Variants in NOTCH3 observed in about 807,000 individuals in gnomAD.
The protein encoded by NOTCH3 is notch receptor 3.
Under a neutral mutation model 213.3 loss-of-function variants are expected in NOTCH3, and 86 were observed. The observed-to-expected ratio is 0.40, with a 90% CI of 0.34 to 0.48. The LOEUF is 0.48. NOTCH3 is among the 20% of genes least tolerant of loss of function. The pLI is 0.57. For missense variants in NOTCH3, 2,783 were observed against 3,272.6 expected, an observed-to-expected ratio of 0.85 and a Z score of 3.65; for synonymous variants, 1,354 against 1,355.9, an observed-to-expected ratio of 1.00 and a Z score of 0.03.
At chr19:15,175,602 C>CAT (rs1485340727) in intron 24 of NOTCH3, among the ~76,000 whole-genome samples, 1 of 139,724 alleles carries the variant, frequency 7.2e-6, no homozygotes, top group Non-Finnish European at 1.5e-5. Flanking sequence ...CACACACACA[C>CAT]ACACACACAC....
chr19:15,186,646 C>A (rs1405425450), intron 12 of NOTCH3, among the ~76,000 whole-genome samples: 1 of 152,174 alleles, frequency 6.6e-6, no homozygotes, highest in East Asian at 1.9e-4. Context: ...CTCAAGTGAT[C>A]CACTTGCCTT....
At position 15,165,341 on chromosome 19, in the gene NOTCH3, TTA is replaced by T. The variant is rs750269054; in HGVS notation, c.5815+25_5815+26del. On this transcript the variant is annotated intron_variant, in intron 31 of 32. Coordinates refer to ENST00000263388, the MANE Select transcript of NOTCH3 (RefSeq NM_000435.3). This position sits in a 1 kb window ranked among gnomAD's most constrained non-coding sequence, Gnocchi z 4.7. Reference sequence around the variant, plus strand: ...AGGGCCCAGGTGACACCAACCCAGCTTAGACTTGATTCCTCTGCCAACCTACC... The same window carrying T: ...AGGGCCCAGGTGACACCAACCCAGCTGACTTGATTCCTCTGCCAACCTACC... 2.5e-6 allele frequency: 4 copies of T among 1,601,470 alleles called. No homozygotes were observed. The highest frequency in any genetic ancestry group is 3.4e-6 in the Non-Finnish European group (4 of 1,179,628).
At chr19:15,186,379 ATGTGTG>A (rs36233245) in intron 12 of NOTCH3, among the ~76,000 whole-genome samples, 3,579 of 138,532 alleles carry the variant, frequency 0.026, 53 homozygotes, top group Non-Finnish European at 0.028. Context: ...TTGTTTTTGT[ATGTGTG>A]TGTGTGTGTG....
chr19:15,184,989 G>C lies in NOTCH3; in HGVS notation c.2327C>G (p.Thr776Ser). The change falls in exon 15 of 33, where the codon ACC becomes AGC. Residue 776 changes from threonine (T) to serine (S), a missense_variant. Transcript: ENST00000263388. The stretch of plus-strand genomic sequence containing the variant: ...GCCCCCATGCTCACAGGGGTTCGGG[G>C]TGCAGGGGGAGAGGAGTTCACACTG... The part of the protein sequence containing the change: ...GRQCELLSPC[T>S]PNPCEHGGRC... 6.5e-7 allele frequency: 1 copy of C among 1,538,086 alleles called. No individual in the cohort carries two copies. The highest frequency in any genetic ancestry group is 8.8e-7 in the Non-Finnish European group (1 of 1,138,200).
intron 12 of NOTCH3, 136 bp downstream of exon 12, chr19:15,186,742 C>T: frequency 1.3e-6 from 1 of 767,412 alleles, no homozygotes; most frequent in Non-Finnish European, 2.3e-6. Context: ...GCCAATGAGA[C>T]AGCACAGACT....
Position 15,161,719 on chromosome 19 carries a change from G to T in NOTCH3, c.5914-5C>A. The T allele has an allele frequency of 6.2e-7, 1 of 1,612,918 alleles. No homozygotes were observed. Among genetic ancestry groups the T allele is most frequent in the African/African-American group, 1.3e-5 (1 of 75,054 alleles). ...CAGGAATAGGGGGGTCTCCTCCTGG[G>T]GGGCCAGAACCCACAGAGGTCAGCG... On this transcript the variant is annotated splice_region_variant and splice_polypyrimidine_tract_variant and intron_variant, in intron 32 of 32. Transcript: ENST00000263388.
At chr19:15,181,429 C>T (rs1410747559) in intron 17 of NOTCH3, 147 bp downstream of exon 17, 2 of 724,982 alleles carry the variant, frequency 2.8e-6, no homozygotes, top group Non-Finnish European at 4.6e-6. Context: ...CCTGCTCCTT[C>T]CCTGGCCCTG....
At chr19:15,170,867 C>T (rs1235611913) in intron 25 of NOTCH3, 42 bp from the exon 26 acceptor site, 2 of 1,603,038 alleles carry the variant, frequency 1.2e-6, no homozygotes, top group Non-Finnish European at 1.7e-6. Flanking sequence ...TCAAAAATTG[C>T]CCGATGCACC....
intron 1 of NOTCH3, 81 bp from the exon 2 acceptor site, chr19:15,197,659 T>A: frequency 8.2e-7 from 1 of 1,225,064 alleles, no homozygotes; most frequent in Non-Finnish European, 1.2e-6. Context: ...CCTCCCTCCC[T>A]CCACCAGGCA....
At position 15,160,624 on chromosome 19, in the gene NOTCH3, C is replaced by A; in HGVS notation, c.*38G>T. 6.7e-7 allele frequency: 1 copy of A among 1,495,636 alleles called. No homozygotes were observed. The highest frequency in any genetic ancestry group is 9.3e-7 in the Non-Finnish European group (1 of 1,072,002). 92.6% of individuals were successfully genotyped at this position (1,495,636 alleles called of 1,614,324 possible). ...GAAAGAAAGGAGGCAGGACGGGGGT[C>A]TCTTTAGGCCCCCAAGATCTAAGAA... On this transcript the variant is annotated 3_prime_UTR_variant, in exon 33 of 33. Transcript: ENST00000263388.
At chr19:15,186,853 CCT>C (rs772725012) in intron 12 of NOTCH3, 23 bp downstream of exon 12, 2 of 1,586,462 alleles carry the variant, frequency 1.3e-6, no homozygotes, top group Non-Finnish European at 1.7e-6. Context: ...CTAAGGACCC[CCT>C]CTCATGGCAG....
At chr19:15,172,809 G>A (rs576773798) in intron 25 of NOTCH3, among the ~76,000 whole-genome samples, 3 of 151,420 alleles carry the variant, frequency 2.0e-5, no homozygotes, top group East Asian at 2.0e-4. Context: ...GGGACTAAAG[G>A]CATACACCAC....
At position 15,181,099 on chromosome 19, in the gene NOTCH3, G is replaced by C. The variant is rs968392255; in HGVS notation, c.2856C>G (p.Pro952=). The C allele has an allele frequency of 4.3e-6, 7 of 1,609,742 alleles. No homozygotes were observed. In the East Asian group the frequency reaches 1.3e-4, roughly 31 times the overall value. Residue 952 remains proline (P), a synonymous_variant, in exon 18 of 33, where the codon CCC becomes CCG. Coordinates refer to ENST00000263388, the MANE Select transcript of NOTCH3 (RefSeq NM_000435.3). ...GVNSFSCLCR[P]GYTGAHCQHE... Reference sequence around the variant, plus strand: ...GTTGGCAGTGGGCTCCTGTGTAGCCGGGACGGCACAGGCAGCTGAACGAGT... The same window carrying C: ...GTTGGCAGTGGGCTCCTGTGTAGCCCGGACGGCACAGGCAGCTGAACGAGT...
rs1431809734 is a variant in NOTCH3 at position 15,178,055 on chromosome 19, G to C, written c.3873C>G (p.Arg1291=). 2.0e-6 allele frequency: 3 copies of C among 1,520,378 alleles called. No individual in the cohort carries two copies. The highest frequency in any genetic ancestry group is 2.8e-5 in the African/African-American group (2 of 71,336). 94.2% of individuals were successfully genotyped at this position (1,520,378 alleles called of 1,614,324 possible). A position where few individuals can be genotyped will look rare whatever the true frequency, so the allele number is the denominator to read the frequency against. The change falls in exon 24 of 33, where the codon CGC becomes CGG. Residue 1291 remains arginine (R), a synonymous_variant. Transcript: ENST00000263388. ...CCGGGCACTGCAGCTCCCGGCAGGA[G>C]CGCGCCACCCGCTCGCAACGCGGAC... ...FWGPRCERVA[R]SCRELQCPVG...
At chr19:15,180,633 G>A (rs2145421240) in intron 19 of NOTCH3, 48 bp downstream of exon 19, 2 of 1,538,418 alleles carry the variant, frequency 1.3e-6, no homozygotes, top group Non-Finnish European at 1.7e-6. Context: ...GTACGTGCAT[G>A]AGCCCCTTCC....
In NOTCH3 at chr19:15,185,991, C is replaced by T. The variant is rs1287447153; in HGVS notation, c.1952-312G>A. ...GCATGATCATAGCTCACCACAGCCTCCACTTCCTGGGCTCAAGCGATTCTC... is the reference window on the plus strand; with the variant it reads ...GCATGATCATAGCTCACCACAGCCTTCACTTCCTGGGCTCAAGCGATTCTC... On this transcript the variant is annotated intron_variant, in intron 12 of 32. Coordinates refer to ENST00000263388, the MANE Select transcript of NOTCH3 (RefSeq NM_000435.3). This position sits in a 1 kb window ranked among gnomAD's most constrained non-coding sequence, Gnocchi z 4.2. Among the ~76,000 whole-genome samples the T allele has an allele frequency of 6.6e-6, 1 of 152,114 alleles. No homozygotes were observed. Among genetic ancestry groups the T allele is most frequent in the Non-Finnish European group, 1.5e-5 (1 of 68,022 alleles).
In NOTCH3 at chr19:15,192,433, C is replaced by G. The variant is rs2145443315; in HGVS notation, c.284G>C (p.Ser95Thr). Residue 95 changes from serine (S) to threonine (T), a missense_variant, in exon 3 of 33, where the codon AGT (serine) becomes ACT (threonine). By Grantham distance (58) the Ser-to-Thr change is moderately conservative. This residue lies in a region of NOTCH3 where 708 missense variants were observed against 906.6 expected (regional missense o/e 0.78). Coordinates refer to ENST00000263388, the MANE Select transcript of NOTCH3 (RefSeq NM_000435.3). ...TCGGGCGGTGCCAGCCACCACTGAA[C>G]TCTGGCAGACACCACGGCCAGCACA... The part of the protein sequence containing the change: ...GPCAGRGVCQ[S>T]SVVAGTARFS... 1 of 1,612,898 alleles carries G rather than the reference C, an allele frequency of 6.2e-7. No homozygotes were observed. Among genetic ancestry groups the G allele is most frequent in the Non-Finnish European group, 8.5e-7 (1 of 1,179,982 alleles).
At position 15,188,992 on chromosome 19, in the gene NOTCH3, C is replaced by T. The variant is rs370186772; in HGVS notation, c.1375G>A (p.Ala459Thr). ...CCAGGCCACGCCCACCACCCACCTG[C>T]CATACAGATACAGGTGAACTGGCCT... is the stretch of plus-strand genomic sequence containing the variant. ...RIGQFTCICM[A>T]GFTGTYCEVD... Residue 459 changes from alanine to threonine, a missense_variant, in exon 8 of 33, where the codon GCA (alanine) becomes ACA (threonine). Coordinates refer to ENST00000263388, the MANE Select transcript of NOTCH3 (RefSeq NM_000435.3). 69 of 1,609,814 alleles carry T rather than the reference C, an allele frequency of 4.3e-5. No homozygotes were observed. Among genetic ancestry groups the T allele is most frequent in the Non-Finnish European group, 5.5e-5 (65 of 1,178,558 alleles).
chr19:15,198,610 G>T (rs1397132940), intron 1 of NOTCH3, among the ~76,000 whole-genome samples: 2 of 152,168 alleles, frequency 1.3e-5, no homozygotes, highest in Non-Finnish European at 2.9e-5. Context: ...ACTTAGCTGG[G>T]CATGGTAGCA....
Sources: allele counts gnomAD v4.1 joint callset (sites outside exome capture counted in the v4.1 genomes callset), GRCh38; gene constraint gnomAD v4.1.1; regional missense constraint gnomAD v4.1.1; non-coding constraint Gnocchi (gnomAD v3.1); transcripts MANE v1.5; gene names NCBI Gene and HGNC (gene_info 2026-07-23, HGNC 2026-07-21).